CCDC178: variants seen among roughly 807,000 people sequenced by gnomAD.
CCDC178 encodes the protein coiled-coil domain-containing protein 178.
CCDC178 carries 126 observed loss-of-function variants against 117.4 expected under a neutral mutation model. The observed-to-expected ratio is 1.07, with a 90% confidence interval of 0.93 to 1.24. CCDC178 has a LOEUF of 1.24. Ranked by LOEUF, CCDC178 falls within the 50% of genes most tolerant of loss-of-function variation. CCDC178 has a pLI of 0.00. For synonymous variants in CCDC178, 283 were observed against 313.4 expected (o/e 0.90, Z 1.02); for missense variants, 1,030 against 986.9 (o/e 1.04, Z -0.59).
chr18:33,344,601 T>C (rs1356319241), intron 9 of CCDC178, among the ~76,000 whole-genome samples: 1 of 148,138 alleles, frequency 6.8e-6, no homozygotes, highest in Non-Finnish European at 1.5e-5. Context: ...TGAGATTATA[T>C]GTAAATTTAT....
At chr18:33,244,238 AT>A (rs140190039) in intron 15 of CCDC178, among the ~76,000 whole-genome samples, 8 of 150,924 alleles carry the variant, frequency 5.3e-5, no homozygotes, top group South Asian at 2.1e-4. Context: ...TTTTCTAGGT[AT>A]TTTTTTTTGC....
In CCDC178 at chr18:33,430,936, G is replaced by A. The variant is rs533652758; in HGVS notation, c.-23+9026C>T. Reference sequence around the variant, plus strand: ...AAACACACAAAAAAATTAGCCGGGCGCGGTGGTGGGCCCCTGTGGTCCCAG... The same window carrying A: ...AAACACACAAAAAAATTAGCCGGGCACGGTGGTGGGCCCCTGTGGTCCCAG... On this transcript the variant is annotated intron_variant, in intron 2 of 22. Transcript: ENST00000383096. Among the ~76,000 whole-genome samples the A allele has an allele frequency of 1.6e-3, 250 of 152,022 alleles. 1 individual carries two copies. The highest frequency in any genetic ancestry group is 2.5e-3 in the Non-Finnish European group (168 of 67,944).
At chr18:32,973,168 T>C (rs1288146707) in intron 22 of CCDC178, among the ~76,000 whole-genome samples, 2 of 152,136 alleles carry the variant, frequency 1.3e-5, no homozygotes, top group Admixed American at 6.5e-5. Flanking sequence ...AATTAGAGAA[T>C]CACTTTACTG....
At chr18:33,292,108 A>T (rs1170854874) in intron 12 of CCDC178, among the ~76,000 whole-genome samples, 1 of 151,128 alleles carries the variant, frequency 6.6e-6, no homozygotes, top group Non-Finnish European at 1.5e-5. Context: ...AGGAATCAGT[A>T]TGTCAAAGAG....
At chr18:32,985,630 ATTAG>A (rs1220793526) in intron 21 of CCDC178, among the ~76,000 whole-genome samples, 1 of 152,054 alleles carries the variant, frequency 6.6e-6, no homozygotes, top group Non-Finnish European at 1.5e-5. Flanking sequence ...CTTTTTCTAC[ATTAG>A]TTACTAATAC....
At chr18:33,087,920 A>G (rs1237762288) in intron 21 of CCDC178, among the ~76,000 whole-genome samples, 3 of 152,188 alleles carry the variant, frequency 2.0e-5, no homozygotes, top group Non-Finnish European at 2.9e-5. Flanking sequence ...ATTAAAGAAA[A>G]CTGTGGTTGA....
At chr18:33,409,304 C>T (rs1367118297) in intron 3 of CCDC178, among the ~76,000 whole-genome samples, 1 of 152,014 alleles carries the variant, frequency 6.6e-6, no homozygotes, top group Non-Finnish European at 1.5e-5. Context: ...AAGCTGGTCT[C>T]CAACTCCTGG....
intron 21 of CCDC178, among the ~76,000 whole-genome samples, chr18:33,082,654 A>G (rs1014720413): frequency 5.3e-5 from 8 of 152,260 alleles, no homozygotes; most frequent in African/African-American, 1.7e-4. Context: ...CAGCACACCA[A>G]TGTGGCACAT....
chr18:33,212,647 T>A (rs1038278624), intron 19 of CCDC178, among the ~76,000 whole-genome samples: 4 of 151,996 alleles, frequency 2.6e-5, no homozygotes, highest in Non-Finnish European at 4.4e-5. Context: ...TTTTTATTGC[T>A]TTATGCTTCC....
At chr18:33,127,805 C>G (rs1424543636) in intron 20 of CCDC178, among the ~76,000 whole-genome samples, 1 of 152,072 alleles carries the variant, frequency 6.6e-6, no homozygotes, top group South Asian at 2.1e-4. Flanking sequence ...ATTTAGTAGT[C>G]AAGTTTGGAG....
At chr18:33,186,876 T>C (rs898203693) in intron 20 of CCDC178, among the ~76,000 whole-genome samples, 1 of 152,050 alleles carries the variant, frequency 6.6e-6, no homozygotes, top group Non-Finnish European at 1.5e-5. Flanking sequence ...TAGAAGACCT[T>C]TGCAGTCAGA....
intron 11 of CCDC178, among the ~76,000 whole-genome samples, chr18:33,307,074 G>A (rs1488617680): frequency 6.6e-6 from 1 of 152,242 alleles, no homozygotes; most frequent in East Asian, 1.9e-4. Flanking sequence ...GTTCTTTATA[G>A]CAGCATGAGA....
intron 6 of CCDC178, among the ~76,000 whole-genome samples, chr18:33,359,063 G>T (rs2063093655): frequency 6.6e-6 from 1 of 151,790 alleles, no homozygotes; most frequent in Non-Finnish European, 1.5e-5. Context: ...ACATGATGTT[G>T]ATTTATGTGA....
chr18:33,139,582 C>T (rs1247403960), intron 20 of CCDC178, among the ~76,000 whole-genome samples: 1 of 152,046 alleles, frequency 6.6e-6, no homozygotes, highest in Non-Finnish European at 1.5e-5. Context: ...TTTGCCTCTG[C>T]CCTAGAGATT....
intron 21 of CCDC178, among the ~76,000 whole-genome samples, chr18:32,997,079 C>T (rs376306076): frequency 2.0e-5 from 3 of 152,188 alleles, no homozygotes; most frequent in Non-Finnish European, 4.4e-5. Context: ...TTCTCTCTTT[C>T]GTTTTGAATT....
At chr18:33,168,939 T>C (rs1044962925) in intron 20 of CCDC178, among the ~76,000 whole-genome samples, 2 of 152,248 alleles carry the variant, frequency 1.3e-5, no homozygotes, top group African/African-American at 4.8e-5. Context: ...GCCTACATCC[T>C]GTTATGGTTT....
chr18:33,175,796 C>A (rs2058658071), intron 20 of CCDC178, among the ~76,000 whole-genome samples: 1 of 152,136 alleles, frequency 6.6e-6, no homozygotes, highest in Admixed American at 6.5e-5. Flanking sequence ...CTGGTCTCTA[C>A]CCCATATGCT....
At chr18:32,980,616 A>G (rs1342252894) in intron 21 of CCDC178, among the ~76,000 whole-genome samples, 2 of 151,380 alleles carry the variant, frequency 1.3e-5, no homozygotes, top group Admixed American at 1.3e-4. Flanking sequence ...CAATAATAAA[A>G]ATAGAAACAG....
At chr18:33,066,370 T>A (rs1312452828) in intron 21 of CCDC178, among the ~76,000 whole-genome samples, 1 of 151,838 alleles carries the variant, frequency 6.6e-6, no homozygotes, top group Non-Finnish European at 1.5e-5. Context: ...ACGACTCAAA[T>A]GTAATCACTA....
Sources: gnomAD v4.1 joint callset for allele counts (sites outside exome capture counted in the v4.1 genomes callset) on GRCh38, gnomAD v4.1.1 for gene constraint, MANE v1.5 for transcripts, NCBI Gene and HGNC (gene_info 2026-07-23, HGNC 2026-07-21) for gene names.